The following ZNF844 variants were observed in gnomAD, a reference collection of about 807,000 sequenced individuals.
ZNF844 encodes zinc finger protein 844.
A neutral mutation model predicts 11.4 loss-of-function variants in ZNF844; 11 were observed. The ratio of observed to expected loss-of-function variants is 0.97; its 90% CI spans 0.61 to 1.60. The LOEUF is 1.60. Among genes scored for constraint, ZNF844 ranks in the 40% most tolerant of loss-of-function variants. The pLI, the probability that ZNF844 is intolerant of heterozygous loss-of-function variation, is 0.00. For missense variants in ZNF844, 790 were observed against 796.8 expected, an observed-to-expected ratio of 0.99 and a Z score of 0.10; for synonymous variants, 248 against 260.3, an observed-to-expected ratio of 0.95 and a Z score of 0.46.
chr19:12,077,092 G>A lies in ZNF844; in HGVS notation c.1972G>A (p.Val658Ile), dbSNP rs55703333. 28,546 of 1,596,556 alleles carry A rather than the reference G, an allele frequency of 0.018. 340 individuals are homozygous for A. Among genetic ancestry groups the A allele is most frequent in the African/African-American group, 0.051 (3,783 of 74,482 alleles). ...GCATTCAGTTTGCCTGGTTCCTTTC[G>A]TAGACATAAAAGGGCTCACACTGGA... Reference protein sequence around the residue: ...GKHSVCLVPFVDIKGLTLE With the variant: ...GKHSVCLVPFIDIKGLTLE Residue 658 changes from valine to isoleucine, a missense_variant, in exon 4 of 4, where the codon GTA becomes ATA. Transcript: ENST00000439326.
intron 1 of ZNF844, among the ~76,000 whole-genome samples, chr19:12,065,807 G>A (rs777326226): frequency 2.1e-4 from 32 of 151,794 alleles, no homozygotes; most frequent in Non-Finnish European, 1.0e-4. Flanking sequence ...GCTGATTTCT[G>A]TATTTTCAGT....
At chr19:12,065,292 C>T (rs911225497) in intron 1 of ZNF844, among the ~76,000 whole-genome samples, 3 of 152,062 alleles carry the variant, frequency 2.0e-5, no homozygotes, top group Non-Finnish European at 4.4e-5. Flanking sequence ...TAAACAGGCC[C>T]GGTGCTGGGA....
chr19:12,075,978 TG>T lies in ZNF844; in HGVS notation c.860del (p.Gly287GlufsTer43). The T allele has an allele frequency of 6.3e-7, 1 of 1,590,870 alleles. No homozygotes were observed. Among genetic ancestry groups the T allele is most frequent in the Non-Finnish European group, 8.6e-7 (1 of 1,168,008 alleles). On this transcript the variant is annotated frameshift_variant, in exon 4 of 4. Transcript: ENST00000439326. LOFTEE classifies it low-confidence loss of function (END_TRUNC). ...GEKPYECKQC[G>X]KAFRWFHSFQ... ...AGAAGCCATATGAATGCAAACAATGTGGAAAAGCCTTCAGATGGTTCCATTC... is the reference window on the plus strand; with the variant it reads ...AGAAGCCATATGAATGCAAACAATGTGAAAAGCCTTCAGATGGTTCCATTC...
At chr19:12,066,826 G>A (rs1181531567) in intron 1 of ZNF844, among the ~76,000 whole-genome samples, 4 of 152,012 alleles carry the variant, frequency 2.6e-5, no homozygotes, top group African/African-American at 9.7e-5. Flanking sequence ...GATTACAGGC[G>A]TGAGCCACCT....
chr19:12,069,343 C>T (rs1027795747), intron 1 of ZNF844, among the ~76,000 whole-genome samples: 11 of 151,312 alleles, frequency 7.3e-5, no homozygotes, highest in Non-Finnish European at 1.3e-4. Flanking sequence ...GCACCATGCC[C>T]GGCTAATTTT....
intron 1 of ZNF844, among the ~76,000 whole-genome samples, chr19:12,071,924 C>G (rs950521490): frequency 1.4e-5 from 2 of 147,854 alleles, no homozygotes; most frequent in African/African-American, 5.1e-5. Context: ...GTCTCACTCT[C>G]TCACACAGCC....
chr19:12,076,888 AGT>A lies in ZNF844; in HGVS notation c.1772_1773del (p.Val591AspfsTer52). 6.4e-7 allele frequency: 1 copy of A among 1,572,828 alleles called. No individual in the cohort carries two copies. On this transcript the variant is annotated frameshift_variant, in exon 4 of 4. Coordinates refer to ENST00000439326, the MANE Select transcript of ZNF844 (RefSeq NM_001136501.3). LOFTEE classifies it low-confidence loss of function (END_TRUNC). ...GGACAGAATGCCTATGAATGTAAAG[AGT>A]GTGACAAAGCATTCATATCTGCCAA... ...TEDRMPMNVK[S>X]VTKHSYLPRS...
chr19:12,071,478 G>T (rs1975752144), intron 1 of ZNF844, among the ~76,000 whole-genome samples: 1 of 152,164 alleles, frequency 6.6e-6, no homozygotes. Flanking sequence ...GCAGCAAGCT[G>T]CACTTTTTTT....
In ZNF844 at chr19:12,077,660, C is replaced by G; in HGVS notation, c.*539C>G. The G allele has an allele frequency of 1.9e-6, 1 of 527,080 alleles. No homozygotes were observed. The allele number at this position is 527,080 out of a possible 1,614,324, so 32.7% of individuals were successfully genotyped here. A position where few individuals can be genotyped will look rare whatever the true frequency, so the allele number is the denominator to read the frequency against. On this transcript the variant is annotated 3_prime_UTR_variant, in exon 4 of 4. Transcript: ENST00000439326. ...AATGTAAGCAATGTGGGAAAGCCTA[C>G]AGATCTGTCTCACAACTTCTGGTGC...
intron 1 of ZNF844, 60 bp downstream of exon 1, chr19:12,064,936 T>G (rs1040210715): frequency 6.5e-7 from 1 of 1,529,958 alleles, no homozygotes. Flanking sequence ...GGAGGCTGGT[T>G]GGAACTGGCT....
chr19:12,066,552 TTTG>T (rs1003765900), intron 1 of ZNF844, among the ~76,000 whole-genome samples: 74 of 134,748 alleles, frequency 5.5e-4, no homozygotes, highest in African/African-American at 2.3e-3. Flanking sequence ...TTTTTTTTTT[TTTG>T]TTGTTGTTGT....
chr19:12,077,186 A>G lies in ZNF844; in HGVS notation c.*65A>G. ...CTTCTGGTTCCTTTCAGTGTCATAA[A>G]AGGATTCACACTGGAGAGAAACCCT... On this transcript the variant is annotated 3_prime_UTR_variant, in exon 4 of 4. Transcript: ENST00000439326. 1 of 1,604,150 alleles carries G rather than the reference A, an allele frequency of 6.2e-7. No homozygotes were observed.
intron 1 of ZNF844, among the ~76,000 whole-genome samples, chr19:12,067,288 TG>T (rs563226327): frequency 1.3e-5 from 2 of 152,090 alleles, no homozygotes; most frequent in Non-Finnish European, 2.9e-5. Flanking sequence ...CACTCCAGTC[TG>T]GGTGACAGAG....
chr19:12,075,749 G>A lies in ZNF844; in HGVS notation c.629G>A (p.Ser210Asn), dbSNP rs1373651090. Reference protein sequence around the residue: ...KFCGKACPCLSIYLIHERVHT... With the variant: ...KFCGKACPCLNIYLIHERVHT... ...TGTGGGAAAGCCTGCCCTTGTCTCA[G>A]CATATATCTTATACATGAACGAGTT... The change falls in exon 4 of 4, where the codon AGC becomes AAC. Residue 210 changes from serine to asparagine, a missense_variant. Transcript: ENST00000439326. 2 of 1,613,896 alleles carry A rather than the reference G, an allele frequency of 1.2e-6. No individual in the cohort carries two copies. Among genetic ancestry groups the A allele is most frequent in the South Asian group, 2.2e-5 (2 of 90,986 alleles).
In ZNF844 at chr19:12,075,164, T is replaced by C. The variant is rs1375627654; in HGVS notation, c.192-148T>C. On this transcript the variant is annotated intron_variant, in intron 3 of 3. Coordinates refer to ENST00000439326, the MANE Select transcript of ZNF844 (RefSeq NM_001136501.3). ...GACATGTATACATATGTAACAAACC[T>C]GCACGTTGTGCACATGTACCCTAAA... 2.5e-5 allele frequency: 11 copies of C among 436,652 alleles called. 1 individual carries two copies. The highest frequency in any genetic ancestry group is 3.6e-5 in the Non-Finnish European group (11 of 301,376). The allele number at this position is 436,652 out of a possible 1,614,324, so 27.0% of individuals were successfully genotyped here.
chr19:12,077,435 T>A lies in ZNF844; in HGVS notation c.*314T>A. The A allele has an allele frequency of 1.6e-6, 1 of 643,474 alleles. No individual in the cohort carries two copies. The highest frequency in any genetic ancestry group is 1.4e-5 in the South Asian group (1 of 70,704). 39.9% of individuals were successfully genotyped at this position (643,474 alleles called of 1,614,324 possible). On this transcript the variant is annotated 3_prime_UTR_variant, in exon 4 of 4. Coordinates refer to ENST00000439326, the MANE Select transcript of ZNF844 (RefSeq NM_001136501.3). ...TGTCTTCTACTGCATTTCAGTATCA[T>A]GAAAAGACCCACACCAGAGAGAAAC...
chr19:12,073,805 A>T (rs1599400205), intron 1 of ZNF844, among the ~76,000 whole-genome samples: 1 of 152,206 alleles, frequency 6.6e-6, no homozygotes, highest in East Asian at 1.9e-4. Context: ...CCATGAAAAG[A>T]CACATTTTTC....
intron 1 of ZNF844, among the ~76,000 whole-genome samples, chr19:12,071,250 T>G (rs1009146620): frequency 4.6e-5 from 7 of 152,172 alleles, no homozygotes; most frequent in African/African-American, 1.2e-4. Context: ...TTGCTTACCA[T>G]TTTTTTCCAC....
Position 12,080,365 on chromosome 19 carries a change from A to AAAAAG in ZNF844, c.*3245_*3246insAAAGA, listed in dbSNP as rs1975883946. The AAAAAG allele has an allele frequency of 2.6e-6, 1 of 380,342 alleles. No homozygotes were observed. Among genetic ancestry groups the AAAAAG allele is most frequent in the African/African-American group, 2.2e-5 (1 of 44,592 alleles). The allele number at this position is 380,342 out of a possible 1,614,324, so 23.6% of individuals were successfully genotyped here. ...CCGTCTCAAAAAAAAAAAAAAAAAA[A>AAAAAG]AGAGAAGTCTGACAGGACAATAAAA... is the stretch of plus-strand genomic sequence containing the variant. On this transcript the variant is annotated 3_prime_UTR_variant, in exon 4 of 4. Transcript: ENST00000439326.
Sources: gnomAD v4.1 joint callset for allele counts (sites outside exome capture counted in the v4.1 genomes callset) on GRCh38, gnomAD v4.1.1 for gene constraint, MANE v1.5 for transcripts, NCBI Gene and HGNC (gene_info 2026-07-23, HGNC 2026-07-21) for gene names.